VAV1: variants seen among roughly 807,000 people sequenced by gnomAD.
VAV1 encodes the protein proto-oncogene vav.
VAV1 carries 33 observed loss-of-function variants against 128.1 expected under a neutral mutation model. The ratio of observed to expected loss-of-function variants is 0.26; its 90% CI spans 0.20 to 0.34. VAV1 has a LOEUF of 0.34. VAV1 is among the 10% of genes least tolerant of loss of function. The probability of loss-of-function intolerance (pLI) is 1.00; values close to 1 mark genes in which losing one functional copy is unlikely to be tolerated. For missense variants in VAV1, 715 were observed against 1,093.7 expected (o/e 0.65, Z 4.88); for synonymous variants, 394 against 409.8 (o/e 0.96, Z 0.47).
intron 1 of VAV1, among the ~76,000 whole-genome samples, chr19:6,809,537 T>C (rs1222721670): frequency 6.6e-6 from 1 of 150,812 alleles, no homozygotes; most frequent in African/African-American, 2.4e-5. Context: ...GGAGCAGAGG[T>C]GGGAGAGGTA....
intron 14 of VAV1, among the ~76,000 whole-genome samples, chr19:6,831,418 T>C (rs1972051448): frequency 6.6e-6 from 1 of 152,032 alleles, no homozygotes. Flanking sequence ...TTCAAGAGAT[T>C]CTCCTACCTC....
At chr19:6,837,934 C>T (rs569186531) in intron 21 of VAV1, among the ~76,000 whole-genome samples, 31 of 152,248 alleles carry the variant, frequency 2.0e-4, no homozygotes, top group African/African-American at 6.5e-4. Context: ...TAAATGTTGT[C>T]AATTTCCCCA....
chr19:6,837,965 T>C (rs1038512741), intron 21 of VAV1, among the ~76,000 whole-genome samples: 1 of 152,192 alleles, frequency 6.6e-6, no homozygotes, highest in African/African-American at 2.4e-5. Flanking sequence ...CAAAAATTTT[T>C]TTGTTCCTAT....
intron 1 of VAV1, among the ~76,000 whole-genome samples, chr19:6,818,013 CT>C (rs1484969922): frequency 2.0e-5 from 3 of 152,040 alleles, no homozygotes; most frequent in African/African-American, 7.2e-5. Context: ...GAAATGGGAT[CT>C]CATTATGTGG....
In VAV1 at chr19:6,822,288, A is replaced by G. The variant is rs138608402; in HGVS notation, c.517A>G (p.Ile173Val). The part of the protein sequence containing the change: ...VENEEAEGDE[I>V]YEDLMRSEPV... The stretch of plus-strand genomic sequence containing the variant: ...GAATGAGGAGGCGGAAGGCGACGAG[A>G]TCTATGAGGACCTCATGCGCTCGGA... The change falls in exon 5 of 27, where the codon ATC becomes GTC. Residue 173 changes from isoleucine (I) to valine (V), a missense_variant. By Grantham distance (29) the Ile-to-Val change is conservative (BLOSUM62 3). Around this residue, in one of 3 missense-constraint regions of VAV1, gnomAD observed 302 missense variants for 477.8 expected, o/e 0.63. Coordinates refer to ENST00000602142, the MANE Select transcript of VAV1 (RefSeq NM_005428.4). This position sits in a 1 kb window ranked among gnomAD's most constrained non-coding sequence, Gnocchi z 5.9. 74 of 1,590,298 alleles carry G rather than the reference A, an allele frequency of 4.7e-5. No individual in the cohort carries two copies. The African/African-American group carries it at 9.7e-4, about 21-fold the overall frequency.
chr19:6,814,045 G>T (rs1971569692), intron 1 of VAV1, among the ~76,000 whole-genome samples: 1 of 152,114 alleles, frequency 6.6e-6, no homozygotes, highest in Non-Finnish European at 1.5e-5. Flanking sequence ...GGGTGACAGA[G>T]TGATACCCTG....
intron 1 of VAV1, among the ~76,000 whole-genome samples, chr19:6,804,424 T>C (rs1971341237): frequency 1.3e-5 from 2 of 151,962 alleles, no homozygotes; most frequent in African/African-American, 4.8e-5. Context: ...ATTTATTTAT[T>C]TATTTATTTA....
At chr19:6,827,927 C>A (rs978158657) in intron 9 of VAV1, 149 bp from the exon 10 acceptor site, 1 of 637,148 alleles carries the variant, frequency 1.6e-6, no homozygotes, top group Non-Finnish European at 2.8e-6. Context: ...TCCTTGGGGG[C>A]AGATATGATG....
At chr19:6,823,632 GTC>G (rs1971849284) in intron 6 of VAV1, among the ~76,000 whole-genome samples, 1 of 151,560 alleles carries the variant, frequency 6.6e-6, no homozygotes, top group African/African-American at 2.4e-5. Flanking sequence ...TTGTCTCTCT[GTC>G]TCTCTCTTTA....
At chr19:6,832,542 T>C (rs990066681) in intron 15 of VAV1, among the ~76,000 whole-genome samples, 31 of 89,736 alleles carry the variant, frequency 3.5e-4, no homozygotes, top group South Asian at 8.0e-4. Context: ...CCCCTTCCTC[T>C]TCTTCTTCCT....
intron 1 of VAV1, among the ~76,000 whole-genome samples, chr19:6,783,855 A>G (rs1970826177): frequency 6.6e-6 from 1 of 152,106 alleles, no homozygotes; most frequent in Admixed American, 6.6e-5. Flanking sequence ...GGAGCTGGGG[A>G]TAAAAAGGAG....
chr19:6,829,846 C>A lies in VAV1; in HGVS notation c.1326C>A (p.Asp442Glu). Residue 442 changes from aspartate (D) to glutamate (E), a missense_variant, in exon 14 of 27, where the codon GAC becomes GAA. This residue lies in a region of VAV1 where 407 missense variants were observed against 580.6 expected (regional missense o/e 0.70). Coordinates refer to ENST00000602142, the MANE Select transcript of VAV1 (RefSeq NM_005428.4). ...GTAAGCGCAGGGGAGACTCCTATGACCTCAAGGACTTTGTAAACCTGCACA... is the reference window on the plus strand; with the variant it reads ...GTAAGCGCAGGGGAGACTCCTATGAACTCAAGGACTTTGTAAACCTGCACA... ...LICKRRGDSY[D>E]LKDFVNLHSF... 1 of 1,614,176 alleles carries A rather than the reference C, an allele frequency of 6.2e-7. No homozygotes were observed.
At chr19:6,788,350 T>TTTATTATTATTATTATTA (rs148778427) in intron 1 of VAV1, among the ~76,000 whole-genome samples, 2 of 141,972 alleles carry the variant, frequency 1.4e-5, no homozygotes, top group African/African-American at 5.1e-5. Flanking sequence ...TTCTTTTTAT[T>TTTATTATTATTATTATTA]TTATTATTAT....
intron 1 of VAV1, among the ~76,000 whole-genome samples, chr19:6,804,111 A>G (rs111983268): frequency 0.032 from 4,796 of 152,172 alleles, 97 homozygotes; most frequent in South Asian, 0.07. Context: ...GAAGCTTTCC[A>G]CGGCAGTGAA....
rs995877473 is a variant in VAV1 at position 6,828,047 on chromosome 19, A to G, written c.928-29A>G. On this transcript the variant is annotated intron_variant, in intron 9 of 26. Transcript: ENST00000602142. The surrounding 1 kb of genome is among the most constrained non-coding windows in gnomAD (Gnocchi z 4.5). ...ACTGGCTGTTTCTGGGACCTGCCTC[A>G]GTTTCCCCATTGTTCTCTGATTCCC... The G allele has an allele frequency of 6.2e-7, 1 of 1,607,344 alleles. No homozygotes were observed. The highest frequency in any genetic ancestry group is 1.1e-5 in the South Asian group (1 of 90,926).
intron 1 of VAV1, among the ~76,000 whole-genome samples, chr19:6,786,401 G>T (rs574206511): frequency 5.9e-5 from 9 of 152,196 alleles, no homozygotes; most frequent in Admixed American, 3.3e-4. Flanking sequence ...GTTTGAGGCT[G>T]CAGTGAACTA....
At chr19:6,839,204 G>C (rs995572385) in intron 21 of VAV1, among the ~76,000 whole-genome samples, 1 of 150,394 alleles carries the variant, frequency 6.6e-6, no homozygotes, top group African/African-American at 2.5e-5. Flanking sequence ...CCCAGCCGCA[G>C]CTGTTTTTTT....
intron 24 of VAV1, 21 bp downstream of exon 24, chr19:6,850,778 A>G: frequency 6.2e-7 from 1 of 1,612,956 alleles, no homozygotes; most frequent in Non-Finnish European, 8.5e-7. Context: ...ATGTCCGCTC[A>G]ATCCCAGCTT....
intron 1 of VAV1, among the ~76,000 whole-genome samples, chr19:6,783,455 G>A (rs1486291401): frequency 2.0e-5 from 3 of 146,588 alleles, no homozygotes; most frequent in Non-Finnish European, 4.5e-5. Context: ...TGGAAGTGGC[G>A]CCATCACCTC....
Sources: gnomAD v4.1 joint callset for allele counts (sites outside exome capture counted in the v4.1 genomes callset) on GRCh38, gnomAD v4.1.1 for gene constraint, gnomAD v4.1.1 regional missense constraint, Gnocchi (gnomAD v3.1) non-coding constraint, MANE v1.5 for transcripts, NCBI Gene and HGNC (gene_info 2026-07-23, HGNC 2026-07-21) for gene names.